The following NSD3 variants were observed in gnomAD, a reference collection of about 807,000 sequenced individuals.
NSD3 encodes the protein nuclear receptor binding SET domain protein 3, also known as histone-lysine N-methyltransferase NSD3.
In NSD3, 24 loss-of-function variants were observed where a neutral mutation model predicts 160.8. The ratio of observed to expected loss-of-function variants is 0.15; its 90% CI spans 0.11 to 0.21. NSD3 has a LOEUF of 0.21. Among genes scored for constraint, NSD3 ranks in the 10% least tolerant of loss-of-function variants. The pLI is 1.00. For synonymous variants in NSD3, 520 were observed against 600.0 expected (o/e 0.87, Z 1.95); for missense variants, 1,157 against 1,735.9 (o/e 0.67, Z 5.93).
intron 4 of NSD3, among the ~76,000 whole-genome samples, 167 bp from the exon 5 acceptor site, chr8:38,331,752 C>G (rs968804495): frequency 3.3e-5 from 5 of 152,210 alleles, no homozygotes; most frequent in African/African-American, 7.2e-5. Context: ...GAACTAATAG[C>G]TACTGTAAAA....
At position 38,315,482 on chromosome 8, in the gene NSD3, C is replaced by T; in HGVS notation, c.2049G>A (p.Val683=). Residue 683 remains valine (V), a synonymous_variant, in exon 11 of 24, where the codon GTG becomes GTA. Transcript: ENST00000317025. The part of the protein sequence containing the change: ...SATADADVSD[V]QSMDSSLSRR... Reference sequence around the variant, plus strand: ...TCGACAAACTTGAATCCATGGACTGCACATCAGAAACGTCTGCATCTGCAG... The same window carrying T: ...TCGACAAACTTGAATCCATGGACTGTACATCAGAAACGTCTGCATCTGCAG... 1 of 1,612,560 alleles carries T rather than the reference C, an allele frequency of 6.2e-7. No homozygotes were observed.
At chr8:38,337,248 TAA>T (rs1451952526) in intron 4 of NSD3, 55 bp downstream of exon 4, 2 of 1,450,052 alleles carry the variant, frequency 1.4e-6, no homozygotes, top group African/African-American at 1.4e-5. Context: ...ATACAACATT[TAA>T]AAGTCACTTT....
chr8:38,350,636 G>T (rs1028416681), intron 1 of NSD3, among the ~76,000 whole-genome samples: 1 of 152,068 alleles, frequency 6.6e-6, no homozygotes, highest in Non-Finnish European at 1.5e-5. Flanking sequence ...CAAAATGTAC[G>T]TGGCAGGGTC....
intron 2 of NSD3, among the ~76,000 whole-genome samples, chr8:38,339,706 C>CA (rs2150379861): frequency 6.9e-6 from 1 of 144,688 alleles, no homozygotes; most frequent in Non-Finnish European, 1.5e-5. Flanking sequence ...AGCCTGGTGA[C>CA]AGAGCAAGAC....
intron 14 of NSD3, among the ~76,000 whole-genome samples, chr8:38,304,307 C>G (rs1386918776): frequency 2.0e-5 from 3 of 152,194 alleles, no homozygotes; most frequent in African/African-American, 7.2e-5. Flanking sequence ...ATGCTCCAAA[C>G]AGAAAAACTA....
In NSD3 at chr8:38,315,517, G is replaced by A. The variant is rs1375520988; in HGVS notation, c.2014C>T (p.Pro672Ser). ...QVGFGKQVDS[P>S]SATADADVSD... ...ACGTCTGCATCTGCAGTAGCTGAAG[G>A]GCTATCTACTTGCTTTCCAAAGCCT... Residue 672 changes from proline (P) to serine (S), a missense_variant, in exon 11 of 24, where the codon CCT becomes TCT. Transcript: ENST00000317025. 6 of 1,613,466 alleles carry A rather than the reference G, an allele frequency of 3.7e-6. No individual in the cohort carries two copies. The highest frequency in any genetic ancestry group is 3.4e-6 in the Non-Finnish European group (4 of 1,179,778).
At chr8:38,310,851 T>C (rs2131016059) in intron 12 of NSD3, among the ~76,000 whole-genome samples, 1 of 152,160 alleles carries the variant, frequency 6.6e-6, no homozygotes, top group South Asian at 2.1e-4. Context: ...CAGAGTGAAA[T>C]TGCTTGACCA....
rs997756717 is a variant in NSD3 at position 38,374,114 on chromosome 8, C to CA, written c.-45+7684dup. 1.5e-3 allele frequency among the ~76,000 whole-genome samples: 203 copies of CA among 137,894 alleles called. 1 individual carries two copies. The highest frequency in any genetic ancestry group is 2.6e-3 in the African/African-American group (99 of 37,538). 90.5% of individuals were successfully genotyped at this position (137,894 alleles called of 152,430 possible). On this transcript the variant is annotated intron_variant, in intron 1 of 23. Transcript: ENST00000317025. ...TAGGTGGTAGAGGAAGACCCTGTCT[C>CA]AAAAAAAAAAAAATTAGTTGGGCAG...
At chr8:38,290,823 A>T in intron 16 of NSD3, 146 bp from the exon 17 acceptor site, 1 of 679,112 alleles carries the variant, frequency 1.5e-6, no homozygotes, top group African/African-American at 1.8e-5. Flanking sequence ...CATCATTATA[A>T]AAAGTAATTA....
intron 16 of NSD3, among the ~76,000 whole-genome samples, chr8:38,292,138 C>CT (rs1809010006): frequency 6.6e-6 from 1 of 152,154 alleles, no homozygotes. Context: ...TTAGATATTT[C>CT]TTATCTAGAA....
intron 21 of NSD3, 54 bp from the exon 22 acceptor site, chr8:38,278,466 C>G (rs190655626): frequency 1.4e-6 from 2 of 1,455,356 alleles, no homozygotes; most frequent in Non-Finnish European, 1.9e-6. Flanking sequence ...AAGAGAAAAG[C>G]TCTCACAGGC....
intron 1 of NSD3, among the ~76,000 whole-genome samples, chr8:38,362,129 T>C (rs1257550736): frequency 6.6e-6 from 1 of 151,750 alleles, no homozygotes; most frequent in Non-Finnish European, 1.5e-5. Flanking sequence ...TGCCAGAGAA[T>C]ATGGACAGAC....
At chr8:38,374,787 G>A (rs1307809447) in intron 1 of NSD3, among the ~76,000 whole-genome samples, 1 of 152,080 alleles carries the variant, frequency 6.6e-6, no homozygotes, top group Admixed American at 6.5e-5. Flanking sequence ...GATGGATCAC[G>A]AGGTCAGGAG....
intron 1 of NSD3, among the ~76,000 whole-genome samples, chr8:38,376,276 T>A (rs1811384948): frequency 6.6e-6 from 1 of 152,168 alleles, no homozygotes; most frequent in Non-Finnish European, 1.5e-5. Context: ...GTAAAAATAT[T>A]TTATGCATAT....
chr8:38,368,705 A>C (rs1054733335), intron 1 of NSD3, among the ~76,000 whole-genome samples: 1 of 152,160 alleles, frequency 6.6e-6, no homozygotes, highest in African/African-American at 2.4e-5. Flanking sequence ...TTTAACCTCA[A>C]CTGTCTTCGC....
At position 38,329,202 on chromosome 8, in the gene NSD3, A is replaced by T. The variant is rs915556258; in HGVS notation, c.1581+176T>A. Among the ~76,000 whole-genome samples the T allele has an allele frequency of 1.3e-5, 2 of 152,232 alleles. No individual in the cohort carries two copies. Among genetic ancestry groups the T allele is most frequent in the Non-Finnish European group, 2.9e-5 (2 of 68,042 alleles). On this transcript the variant is annotated intron_variant, in intron 6 of 23. Transcript: ENST00000317025. This position sits in a 1 kb window ranked among gnomAD's most constrained non-coding sequence, Gnocchi z 4.8. ...TCACAAAAGAAGGGGATAAAAAAGA[A>T]GAAAAACATAGCCTTTTTGCCTGTC...
chr8:38,371,445 T>C (rs1811240638), intron 1 of NSD3, among the ~76,000 whole-genome samples: 2 of 152,206 alleles, frequency 1.3e-5, no homozygotes, highest in South Asian at 4.1e-4. Context: ...CCACATTACC[T>C]AATTTATCTT....
chr8:38,309,804 C>T (rs540035625), intron 12 of NSD3, among the ~76,000 whole-genome samples: 5 of 152,226 alleles, frequency 3.3e-5, no homozygotes, highest in South Asian at 4.2e-4. Context: ...CCAGAAATCA[C>T]GTTTGACTTA....
chr8:38,302,250 G>A (rs1178889688), intron 14 of NSD3, among the ~76,000 whole-genome samples: 3 of 152,196 alleles, frequency 2.0e-5, no homozygotes, highest in African/African-American at 7.2e-5. Context: ...AATGACTAAA[G>A]TGCTCCTTTC....
Sources: allele counts gnomAD v4.1 joint callset (sites outside exome capture counted in the v4.1 genomes callset), GRCh38; gene constraint gnomAD v4.1.1; non-coding constraint Gnocchi (gnomAD v3.1); transcripts MANE v1.5; gene names NCBI Gene and HGNC (gene_info 2026-07-23, HGNC 2026-07-21).